FAM222B: variants seen among roughly 807,000 people sequenced by gnomAD.
FAM222B encodes the protein protein FAM222B.
Under a neutral mutation model 38.0 loss-of-function variants are expected in FAM222B, and 12 were observed. That is an observed-to-expected ratio of 0.32 (90% CI 0.20 to 0.51). The LOEUF is 0.51. Ranked by LOEUF, FAM222B falls within the 20% of genes least tolerant of loss-of-function variation. The probability of loss-of-function intolerance (pLI) is 0.97; values close to 1 mark genes in which losing one functional copy is unlikely to be tolerated. For synonymous variants in FAM222B, 329 were observed against 317.2 expected, an observed-to-expected ratio of 1.04 and a Z score of -0.40; for missense variants, 716 against 754.2, an observed-to-expected ratio of 0.95 and a Z score of 0.59.
At chr17:28,761,103 T>G (rs1174299976) in intron 2 of FAM222B, among the ~76,000 whole-genome samples, 1 of 152,224 alleles carries the variant, frequency 6.6e-6, no homozygotes, top group African/African-American at 2.4e-5. Flanking sequence ...AAAACCTGCC[T>G]GCCTTTGGAG....
At chr17:28,846,334 G>T (rs1196645681), upstream of FAM222B, among the ~76,000 whole-genome samples, 1 of 151,466 alleles carries the variant, frequency 6.6e-6, no homozygotes, top group Admixed American at 6.6e-5. Context: ...ACACTACACC[G>T]CAGCCTAAGG....
At chr17:28,826,681 CAAAAAAA>C (rs58793747) in intron 1 of FAM222B, among the ~76,000 whole-genome samples, 18 of 85,008 alleles carry the variant, frequency 2.1e-4, no homozygotes, top group African/African-American at 7.2e-4. Flanking sequence ...AACTCCGTCT[CAAAAAAA>C]AAAAAAAAAA....
intron 1 of FAM222B, among the ~76,000 whole-genome samples, chr17:28,791,279 G>A (rs1157858099): frequency 6.6e-6 from 1 of 151,984 alleles, no homozygotes; most frequent in East Asian, 1.9e-4. Flanking sequence ...AAAAAGAGAT[G>A]AGAGTGGTCT....
rs1598073051 is a variant in FAM222B, at chr17:28,854,917, A to C, written c.-41+33T>G. Reference sequence around the variant, plus strand: ...CAATTCCTCCTCCCGCCCACATCCCATGTGTCTCGGCTTTCAATTTGGGCA... The same window carrying C: ...CAATTCCTCCTCCCGCCCACATCCCCTGTGTCTCGGCTTTCAATTTGGGCA... On this transcript the variant is annotated intron_variant, in intron 1 of 2. Coordinates refer to the FAM222B transcript ENST00000577513. 1.6e-5 allele frequency: 18 copies of C among 1,140,748 alleles called. No individual in the cohort carries two copies. The East Asian group carries it at 4.6e-4, about 29-fold the overall frequency. 70.7% of individuals were successfully genotyped at this position (1,140,748 alleles called of 1,614,324 possible).
chr17:28,851,309 G>A (rs1009942869), intron 1 of FAM222B, among the ~76,000 whole-genome samples: 1 of 151,162 alleles, frequency 6.6e-6, no homozygotes, highest in Non-Finnish European at 1.5e-5. Context: ...GAGGTGGGTG[G>A]ATCACCTGAG....
At chr17:28,796,885 A>G (rs1870870003) in intron 1 of FAM222B, among the ~76,000 whole-genome samples, 1 of 151,716 alleles carries the variant, frequency 6.6e-6, no homozygotes, top group African/African-American at 2.4e-5. Flanking sequence ...ATGGGGAGAT[A>G]GGGATAGGTT....
intron 1 of FAM222B, among the ~76,000 whole-genome samples, chr17:28,807,150 G>A (rs904803347): frequency 6.6e-6 from 1 of 151,580 alleles, no homozygotes; most frequent in Non-Finnish European, 1.5e-5. Context: ...CAAGTAGCTG[G>A]GATTATAGGC....
At chr17:28,825,030 C>G (rs911658723) in intron 1 of FAM222B, among the ~76,000 whole-genome samples, 2 of 152,018 alleles carry the variant, frequency 1.3e-5, no homozygotes, top group African/African-American at 4.8e-5. Flanking sequence ...TCCCAAAGTG[C>G]TGGGATTACA....
chr17:28,836,278 G>A (rs536551953), intron 1 of FAM222B, among the ~76,000 whole-genome samples: 6 of 148,644 alleles, frequency 4.0e-5, no homozygotes, highest in South Asian at 4.5e-4. Flanking sequence ...ATAAGCCACC[G>A]CGCCTGGCCC....
intron 1 of FAM222B, among the ~76,000 whole-genome samples, chr17:28,775,014 T>TC (rs1305512595): frequency 6.8e-6 from 1 of 147,842 alleles, no homozygotes; most frequent in Non-Finnish European, 1.5e-5. Flanking sequence ...TTTTTTTTTT[T>TC]TTTTTTGAGA....
chr17:28,779,751 A>AAAATAAATAAATAAATAAAT (rs57583458), intron 1 of FAM222B, among the ~76,000 whole-genome samples: 5 of 144,692 alleles, frequency 3.5e-5, no homozygotes, highest in African/African-American at 1.0e-4. Flanking sequence ...ACTCCGTCTC[A>AAAATAAATAAATAAATAAAT]AAATAAATAA....
intron 1 of FAM222B, among the ~76,000 whole-genome samples, chr17:28,818,286 T>A (rs898488588): frequency 1.3e-5 from 2 of 152,090 alleles, no homozygotes; most frequent in African/African-American, 4.8e-5. Context: ...CCCAGCACTT[T>A]GGGAGGCCGA....
chr17:28,775,501 C>T (rs2035847311), intron 1 of FAM222B, among the ~76,000 whole-genome samples: 1 of 151,620 alleles, frequency 6.6e-6, no homozygotes, highest in African/African-American at 2.4e-5. Context: ...AACAGCTCCC[C>T]TAGCCCCCAA....
intron 1 of FAM222B, among the ~76,000 whole-genome samples, chr17:28,800,236 T>C (rs2151897950): frequency 6.6e-6 from 1 of 151,330 alleles, no homozygotes; most frequent in South Asian, 2.1e-4. Flanking sequence ...TCCATGTTGG[T>C]CAGGCTGGTC....
chr17:28,811,074 T>C (rs2037738211), intron 1 of FAM222B, among the ~76,000 whole-genome samples: 2 of 152,158 alleles, frequency 1.3e-5, no homozygotes, highest in Non-Finnish European at 2.9e-5. Flanking sequence ...AAAAAAATAT[T>C]CATCCCTTTT....
intron 1 of FAM222B, among the ~76,000 whole-genome samples, chr17:28,782,162 AAAAT>A (rs964734263): frequency 1.3e-5 from 2 of 152,208 alleles, no homozygotes; most frequent in Admixed American, 6.5e-5. Flanking sequence ...ATCTCTACAA[AAAAT>A]AAATAATTAG....
rs775766158 is a variant in FAM222B at position 28,759,638 on chromosome 17, C to T, written c.321G>A (p.Val107=). The change falls in exon 3 of 3, where the codon GTG becomes GTA. Residue 107 remains valine, a synonymous_variant. Transcript: ENST00000581407. This position sits in a 1 kb window ranked among gnomAD's most constrained non-coding sequence, Gnocchi z 4.8. ...AGTCCTTGAGTATGCTTTTGGCTGG[C>T]ACTTTGACAATGGCAAGCAGGCCTG... The part of the protein sequence containing the change: ...TKAGLLAIVK[V]PAKSILKDFD... The T allele has an allele frequency of 2.5e-6, 4 of 1,612,872 alleles. No individual in the cohort carries two copies. The highest frequency in any genetic ancestry group is 2.2e-5 in the South Asian group (2 of 90,842).
rs899157667 is a variant in FAM222B, at chr17:28,757,712, A to C, written c.*558T>G. On this transcript the variant is annotated 3_prime_UTR_variant, in exon 3 of 3. Transcript: ENST00000581407. Reference sequence around the variant, plus strand: ...CAGTGGCTGTGGGATCAATATAGACACAAAACAAAGCCTTGAGGAATGGAA... The same window carrying C: ...CAGTGGCTGTGGGATCAATATAGACCCAAAACAAAGCCTTGAGGAATGGAA... The C allele has an allele frequency of 2.0e-5, 3 of 152,584 alleles. No individual in the cohort carries two copies. The highest frequency in any genetic ancestry group is 7.2e-5 in the African/African-American group (3 of 41,434). The allele number at this position is 152,584 out of a possible 1,614,324, so 9.5% of individuals were successfully genotyped here. A position where few individuals can be genotyped will look rare whatever the true frequency, so the allele number is the denominator to read the frequency against.
chr17:28,818,154 T>TAAG (rs1235672624), intron 1 of FAM222B, among the ~76,000 whole-genome samples: 1 of 148,224 alleles, frequency 6.7e-6, no homozygotes, highest in African/African-American at 2.5e-5. Flanking sequence ...AGCCCAGGAG[T>TAAG]AAGAGTTCAA....
Sources: allele counts gnomAD v4.1 joint callset (sites outside exome capture counted in the v4.1 genomes callset), GRCh38; gene constraint gnomAD v4.1.1; non-coding constraint Gnocchi (gnomAD v3.1); transcripts MANE v1.5; gene names NCBI Gene and HGNC (gene_info 2026-07-23, HGNC 2026-07-21).